Variants in CDH4 observed in about 807,000 individuals in gnomAD.
CDH4 encodes cadherin 4, also known as cadherin-4.
CDH4 carries 33 observed loss-of-function variants against 86.0 expected under a neutral mutation model. The observed-to-expected ratio is 0.38, with a 90% CI of 0.29 to 0.51. The LOEUF (loss-of-function observed/expected upper bound fraction) is 0.51. Among genes scored for constraint, CDH4 ranks in the 20% least tolerant of loss-of-function variants. The probability of loss-of-function intolerance (pLI) is 0.86; values close to 1 mark genes in which losing one functional copy is unlikely to be tolerated. For missense variants in CDH4, 1,114 were observed against 1,307.4 expected (o/e 0.85, Z 2.28); for synonymous variants, 555 against 549.4 (o/e 1.01, Z -0.14).
chr20:61,682,680 GGATTTTACCTCCCCATGCCAGGAAT>G (rs557775593), intron 2 of CDH4, among the ~76,000 whole-genome samples: 2 of 152,196 alleles, frequency 1.3e-5, no homozygotes, highest in Admixed American at 6.5e-5. Flanking sequence ...GAGGAAGCAT[GGATTTTACCTCCCCATGCCAGGAAT>G]GATTTTACCT....
chr20:61,628,667 A>C (rs758569649), intron 2 of CDH4, among the ~76,000 whole-genome samples: 2 of 152,100 alleles, frequency 1.3e-5, no homozygotes, highest in Non-Finnish European at 2.9e-5. Flanking sequence ...GCCCGGGTGC[A>C]CCCCGCCCAG....
At chr20:61,831,072 C>G (rs1220264434) in intron 4 of CDH4, among the ~76,000 whole-genome samples, 1 of 152,134 alleles carries the variant, frequency 6.6e-6, no homozygotes, top group African/African-American at 2.4e-5. Flanking sequence ...ACCCTCAACT[C>G]TTGGGGGAGC....
At chr20:61,528,317 C>T (rs1273367513) in intron 2 of CDH4, among the ~76,000 whole-genome samples, 1 of 147,660 alleles carries the variant, frequency 6.8e-6, no homozygotes, top group African/African-American at 2.6e-5. Flanking sequence ...GCGGAGATTG[C>T]AGTGAGCCGA....
intron 2 of CDH4, among the ~76,000 whole-genome samples, chr20:61,678,550 G>A (rs1399810630): frequency 6.6e-6 from 1 of 152,186 alleles, no homozygotes; most frequent in Non-Finnish European, 1.5e-5. Context: ...CAGTTTCTGG[G>A]TGCCCGTGTC....
chr20:61,352,582 G>C (rs2084719158), intron 2 of CDH4, among the ~76,000 whole-genome samples: 2 of 152,222 alleles, frequency 1.3e-5, no homozygotes, highest in African/African-American at 4.8e-5. Flanking sequence ...CTGGTGGAAA[G>C]AAAACAAAGC....
Position 61,852,746 on chromosome 20 carries a change from T to C in CDH4, c.733-8T>C, listed in dbSNP as rs770483435. The C allele has an allele frequency of 1.2e-6, 2 of 1,606,238 alleles. No individual in the cohort carries two copies. Among genetic ancestry groups the C allele is most frequent in the Non-Finnish European group, 1.7e-6 (2 of 1,175,488 alleles). On this transcript the variant is annotated splice_region_variant and splice_polypyrimidine_tract_variant and intron_variant, in intron 5 of 15. Coordinates refer to ENST00000614565, the MANE Select transcript of CDH4 (RefSeq NM_001794.5). ...CGCCACTGGGCCCTGTCTCTGCTGC[T>C]TTTCCAGCTCCGAGCCCACGCTGTG... is the stretch of plus-strand genomic sequence containing the variant.
At chr20:61,674,787 T>C (rs146598874) in intron 2 of CDH4, among the ~76,000 whole-genome samples, 218 of 152,338 alleles carry the variant, frequency 1.4e-3, no homozygotes, top group African/African-American at 4.7e-3. Context: ...GATTGACTGC[T>C]CAGCCCAGTT....
intron 2 of CDH4, among the ~76,000 whole-genome samples, chr20:61,654,852 G>T (rs969952953): frequency 6.6e-6 from 1 of 152,234 alleles, no homozygotes; most frequent in African/African-American, 2.4e-5. Flanking sequence ...CCGGGAAGGG[G>T]CTGTGCAGGG....
chr20:61,428,385 G>A (rs1256131617), intron 2 of CDH4, among the ~76,000 whole-genome samples: 1 of 152,146 alleles, frequency 6.6e-6, no homozygotes, highest in Non-Finnish European at 1.5e-5. Context: ...TTCTACTCGT[G>A]GATGTCTCCC....
At chr20:61,457,483 A>G (rs1365261179) in intron 2 of CDH4, among the ~76,000 whole-genome samples, 2 of 152,198 alleles carry the variant, frequency 1.3e-5, no homozygotes, top group Non-Finnish European at 2.9e-5. Context: ...GATGATGACA[A>G]TGGTGGTGAT....
chr20:61,577,581 A>G (rs1380042245), intron 2 of CDH4, among the ~76,000 whole-genome samples: 3 of 152,148 alleles, frequency 2.0e-5, no homozygotes, highest in Non-Finnish European at 4.4e-5. Context: ...AGCTGAGCTG[A>G]ATCTCTGATT....
At chr20:61,778,287 C>T (rs752433572) in intron 4 of CDH4, among the ~76,000 whole-genome samples, 6 of 152,130 alleles carry the variant, frequency 3.9e-5, no homozygotes, top group African/African-American at 7.2e-5. Flanking sequence ...GAGCACAGAG[C>T]GCTTTGAGGT....
chr20:61,835,575 C>T (rs956722843), intron 4 of CDH4, among the ~76,000 whole-genome samples: 1 of 152,120 alleles, frequency 6.6e-6, no homozygotes, highest in Non-Finnish European at 1.5e-5. Flanking sequence ...GGAGGAGGGT[C>T]GGCCCACAGA....
chr20:61,383,019 A>C (rs1009246133), intron 2 of CDH4, among the ~76,000 whole-genome samples: 1 of 147,862 alleles, frequency 6.8e-6, no homozygotes, highest in Non-Finnish European at 1.5e-5. Flanking sequence ...GGAGTGTATT[A>C]GTCACAGTTC....
chr20:61,386,913 G>C (rs750182469), intron 2 of CDH4, among the ~76,000 whole-genome samples: 1 of 152,220 alleles, frequency 6.6e-6, no homozygotes, highest in Non-Finnish European at 1.5e-5. Context: ...CGTCAGGACC[G>C]GCCCCAAGAC....
chr20:61,387,678 C>T (rs1400975483), intron 2 of CDH4, among the ~76,000 whole-genome samples: 1 of 152,216 alleles, frequency 6.6e-6, no homozygotes, highest in Non-Finnish European at 1.5e-5. Context: ...TGCTCAGGTA[C>T]GTAATTAATC....
At chr20:61,447,675 T>C (rs551035819) in intron 2 of CDH4, among the ~76,000 whole-genome samples, 16 of 144,928 alleles carry the variant, frequency 1.1e-4, no homozygotes, top group Admixed American at 2.1e-4. Flanking sequence ...AAAATTTTAA[T>C]ACGATGCATG....
intron 7 of CDH4, among the ~76,000 whole-genome samples, chr20:61,881,954 G>C (rs1393550987): frequency 6.6e-6 from 1 of 152,240 alleles, no homozygotes; most frequent in Non-Finnish European, 1.5e-5. Flanking sequence ...AGGGGAGAAG[G>C]CTGCATGGAG....
At chr20:61,732,736 G>A (rs755187278) in intron 2 of CDH4, among the ~76,000 whole-genome samples, 29 of 152,348 alleles carry the variant, frequency 1.9e-4, no homozygotes, top group Non-Finnish European at 3.4e-4. Context: ...GGTGTGCACC[G>A]CTCGTCCCCC....
Sources: allele counts gnomAD v4.1 joint callset (sites outside exome capture counted in the v4.1 genomes callset), GRCh38; gene constraint gnomAD v4.1.1; transcripts MANE v1.5; gene names NCBI Gene and HGNC (gene_info 2026-07-23, HGNC 2026-07-21).